Variants in TNKS observed in about 807,000 individuals in gnomAD.
The protein encoded by TNKS is tankyrase.
TNKS carries 72 observed loss-of-function variants against 135.8 expected under a neutral mutation model. That is an observed-to-expected ratio of 0.53 (90% CI 0.44 to 0.64). The LOEUF (loss-of-function observed/expected upper bound fraction) is 0.64. TNKS is among the 30% of genes least tolerant of loss of function. TNKS has a pLI of 0.00. For missense variants in TNKS, 1,769 were observed against 1,674.0 expected, an observed-to-expected ratio of 1.06 and a Z score of -0.99; for synonymous variants, 849 against 649.3, an observed-to-expected ratio of 1.31 and a Z score of -4.68.
chr8:9,751,489 G>A, intron 18 of TNKS, 120 bp from the exon 19 acceptor site: 2 of 789,748 alleles, frequency 2.5e-6, no homozygotes, highest in South Asian at 1.8e-5. Context: ...TCAAAAACCA[G>A]TAGGTGATAA....
Position 9,608,433 on chromosome 8 carries a change from AT to A in TNKS, c.899-7138del, listed in dbSNP as rs548082654. Among the ~76,000 whole-genome samples, 67 of 147,634 alleles carry A rather than the reference AT, an allele frequency of 4.5e-4. 1 individual carries two copies. The South Asian group carries it at 5.8e-3, about 13-fold the overall frequency. On this transcript the variant is annotated intron_variant, in intron 2 of 26. Transcript: ENST00000310430. ...GTGCGTCAGGTGTGTTAACAAGGCG[AT>A]TTTTTTTTTTAGGTTCTCTTTACTT... is the stretch of plus-strand genomic sequence containing the variant.
chr8:9,616,295 T>A (rs571775791), intron 3 of TNKS, among the ~76,000 whole-genome samples: 1 of 152,340 alleles, frequency 6.6e-6, no homozygotes, highest in Admixed American at 6.5e-5. Flanking sequence ...ATGGAAAAGG[T>A]CTCTCATAAC....
intron 2 of TNKS, among the ~76,000 whole-genome samples, chr8:9,597,055 T>C (rs1446132444): frequency 2.0e-5 from 3 of 152,204 alleles, no homozygotes. Context: ...AGCTTGAGTA[T>C]TGTTCTGGGA....
At chr8:9,673,832 C>T (rs1026702038) in intron 3 of TNKS, among the ~76,000 whole-genome samples, 3 of 152,056 alleles carry the variant, frequency 2.0e-5, no homozygotes, top group South Asian at 2.1e-4. Flanking sequence ...ATAATAACTT[C>T]GTAGTTTGTC....
intron 26 of TNKS, among the ~76,000 whole-genome samples, chr8:9,776,288 A>G (rs1330644788): frequency 6.6e-6 from 1 of 152,178 alleles, no homozygotes; most frequent in Non-Finnish European, 1.5e-5. Context: ...TCATTTAGCA[A>G]ACTTTTATTG....
intron 5 of TNKS, among the ~76,000 whole-genome samples, chr8:9,698,694 G>T (rs534461082): frequency 1.3e-5 from 2 of 152,274 alleles, no homozygotes; most frequent in South Asian, 4.1e-4. Flanking sequence ...TGAAGCCACA[G>T]CTTTGCAAAA....
chr8:9,598,340 C>A (rs28499425), intron 2 of TNKS, among the ~76,000 whole-genome samples: 12,982 of 152,076 alleles, frequency 0.085, 610 homozygotes, highest in South Asian at 0.17. Context: ...AGCCACCGCG[C>A]CCGGCCAGTA....
rs973249639 is a variant in TNKS, at chr8:9,780,104, C to T, written c.*3368C>T. 1 of 152,066 alleles carries T rather than the reference C, an allele frequency of 6.6e-6. No individual in the cohort carries two copies. 9.4% of individuals were successfully genotyped at this position (152,066 alleles called of 1,614,324 possible). ...CAAAAAATAAAATTTTGATATATGC[C>T]GGAGAACGGCATTAGAATGCAATAA... On this transcript the variant is annotated 3_prime_UTR_variant, in exon 27 of 27. Transcript: ENST00000310430.
chr8:9,694,752 A>T (rs995322173), intron 5 of TNKS, among the ~76,000 whole-genome samples: 3 of 106,278 alleles, frequency 2.8e-5, no homozygotes, highest in African/African-American at 6.8e-5. Flanking sequence ...ACAGAGCGAG[A>T]CTCTGTCTCA....
chr8:9,773,921 C>A (rs1808085692), intron 26 of TNKS, among the ~76,000 whole-genome samples: 1 of 152,106 alleles, frequency 6.6e-6, no homozygotes, highest in South Asian at 2.1e-4. Context: ...TTATTTCATT[C>A]TCCTTAGTCA....
Position 9,586,504 on chromosome 8 carries a change from A to G in TNKS, c.898+6121A>G, listed in dbSNP as rs144462075. Among the ~76,000 whole-genome samples the G allele has an allele frequency of 5.0e-3, 758 of 152,278 alleles. 9 individuals are homozygous for G. The highest frequency in any genetic ancestry group is 0.017 in the African/African-American group (706 of 41,550). ...TTCTGCTGAGAGAGAGCAAAAATAA[A>G]ATTATGCTTTATCTCTTCTTCCCCC... On this transcript the variant is annotated intron_variant, in intron 2 of 26. Coordinates refer to ENST00000310430, the MANE Select transcript of TNKS (RefSeq NM_003747.3).
intron 2 of TNKS, among the ~76,000 whole-genome samples, chr8:9,587,689 A>C (rs559415162): frequency 6.6e-6 from 1 of 152,196 alleles, no homozygotes; most frequent in South Asian, 2.1e-4. Flanking sequence ...GGCGTGAGCC[A>C]CTGCGCCTGG....
intron 2 of TNKS, among the ~76,000 whole-genome samples, chr8:9,591,017 C>G (rs1157505115): frequency 6.6e-6 from 1 of 152,138 alleles, no homozygotes; most frequent in Non-Finnish European, 1.5e-5. Flanking sequence ...CTGTTGTCAT[C>G]TAGGAGTTGT....
intron 12 of TNKS, among the ~76,000 whole-genome samples, chr8:9,724,041 A>G (rs1476854807): frequency 6.6e-6 from 1 of 152,196 alleles, no homozygotes; most frequent in East Asian, 1.9e-4. Context: ...GATGTTTTTA[A>G]AAATAGGCTG....
intron 18 of TNKS, 36 bp downstream of exon 18, chr8:9,748,248 T>A: frequency 7.1e-7 from 1 of 1,415,888 alleles, no homozygotes; most frequent in Non-Finnish European, 9.3e-7. Context: ...TATTGTTCCT[T>A]CTACTTTCAC....
At chr8:9,607,943 T>C (rs888736472) in intron 2 of TNKS, among the ~76,000 whole-genome samples, 3 of 152,186 alleles carry the variant, frequency 2.0e-5, no homozygotes, top group East Asian at 1.9e-4. Context: ...CCTTGATTTG[T>C]GTTATTTTAG....
At chr8:9,679,571 T>A (rs1218885810) in intron 3 of TNKS, among the ~76,000 whole-genome samples, 1 of 152,244 alleles carries the variant, frequency 6.6e-6, no homozygotes, top group Non-Finnish European at 1.5e-5. Flanking sequence ...ATTTTGCTTT[T>A]GTCTCAGAAT....
At chr8:9,692,415 G>C (rs1158230338) in intron 5 of TNKS, among the ~76,000 whole-genome samples, 2 of 152,130 alleles carry the variant, frequency 1.3e-5, no homozygotes, top group Non-Finnish European at 2.9e-5. Flanking sequence ...CAGCACTGTT[G>C]TCACCCATCT....
intron 5 of TNKS, among the ~76,000 whole-genome samples, chr8:9,697,852 C>G (rs532221420): frequency 2.6e-5 from 4 of 152,128 alleles, no homozygotes; most frequent in East Asian, 1.9e-4. Context: ...TTGGAAATTT[C>G]TCAACTTAAA....
Sources: gnomAD v4.1 joint callset for allele counts (sites outside exome capture counted in the v4.1 genomes callset) on GRCh38, gnomAD v4.1.1 for gene constraint, MANE v1.5 for transcripts, NCBI Gene and HGNC (gene_info 2026-07-23, HGNC 2026-07-21) for gene names.